RALYL: variants seen among roughly 807,000 people sequenced by gnomAD.
RALYL encodes the protein RNA-binding Raly-like protein.
In RALYL, 29 loss-of-function variants were observed where a neutral mutation model predicts 35.1. The observed-to-expected ratio is 0.83, with a 90% CI of 0.61 to 1.13. The LOEUF (loss-of-function observed/expected upper bound fraction) is 1.13. Ranked by LOEUF, RALYL falls within the 50% of genes most tolerant of loss-of-function variation. The pLI is 0.00. For synonymous variants in RALYL, 120 were observed against 127.6 expected, an observed-to-expected ratio of 0.94 and a Z score of 0.40; for missense variants, 359 against 360.4, an observed-to-expected ratio of 1.00 and a Z score of 0.03.
At chr8:84,494,509 A>G (rs975053415) in intron 1 of RALYL, among the ~76,000 whole-genome samples, 1 of 152,058 alleles carries the variant, frequency 6.6e-6, no homozygotes, top group Non-Finnish European at 1.5e-5. Context: ...GGCCATTTTC[A>G]TGATATTGAT....
At chr8:84,336,579 A>G (rs907814718) in intron 1 of RALYL, among the ~76,000 whole-genome samples, 4 of 152,182 alleles carry the variant, frequency 2.6e-5, no homozygotes, top group Non-Finnish European at 1.5e-5. Flanking sequence ...AAGGATAAGT[A>G]TTCTTATATA....
At chr8:84,312,860 C>G (rs575557437) in intron 1 of RALYL, among the ~76,000 whole-genome samples, 4 of 152,332 alleles carry the variant, frequency 2.6e-5, no homozygotes, top group Admixed American at 1.3e-4. Flanking sequence ...CCTTTTCTCA[C>G]AGCTCCACTA....
chr8:84,483,427 T>A (rs2054264019), intron 1 of RALYL, among the ~76,000 whole-genome samples: 1 of 152,136 alleles, frequency 6.6e-6, no homozygotes, highest in Non-Finnish European at 1.5e-5. Context: ...TGAGTACTTG[T>A]GGTCAATTAG....
chr8:84,641,808 A>G (rs971081005), intron 2 of RALYL, among the ~76,000 whole-genome samples: 1 of 150,578 alleles, frequency 6.6e-6, no homozygotes, highest in Admixed American at 6.6e-5. Flanking sequence ...AAAAAAAAAA[A>G]CTCATATACA....
chr8:84,443,901 G>A (rs892047236), intron 1 of RALYL, among the ~76,000 whole-genome samples: 1 of 152,118 alleles, frequency 6.6e-6, no homozygotes, highest in African/African-American at 2.4e-5. Context: ...AAATGGTAGA[G>A]AACAGGGCAA....
chr8:84,441,208 T>C (rs2048297931), intron 1 of RALYL, among the ~76,000 whole-genome samples: 1 of 152,144 alleles, frequency 6.6e-6, no homozygotes, highest in Non-Finnish European at 1.5e-5. Context: ...CACATTTTCT[T>C]CTTTAGATAT....
intron 1 of RALYL, among the ~76,000 whole-genome samples, chr8:84,421,558 G>T (rs1353262569): frequency 4.1e-4 from 53 of 128,858 alleles, no homozygotes; most frequent in African/African-American, 6.8e-4. Context: ...CTGCCTAATT[G>T]CCCTGGCCAG....
intron 8 of RALYL, among the ~76,000 whole-genome samples, chr8:84,914,854 T>C (rs1848189723): frequency 6.6e-6 from 1 of 151,996 alleles, no homozygotes; most frequent in South Asian, 2.1e-4. Flanking sequence ...CCATCCCTTA[T>C]CTCCTACTAA....
intron 5 of RALYL, among the ~76,000 whole-genome samples, chr8:84,850,441 C>T (rs1036752377): frequency 6.6e-6 from 1 of 152,150 alleles, no homozygotes; most frequent in Non-Finnish European, 1.5e-5. Context: ...GTAAAATTTA[C>T]AGATCGTTCC....
intron 1 of RALYL, among the ~76,000 whole-genome samples, chr8:84,505,872 G>A (rs535997480): frequency 2.0e-5 from 3 of 151,938 alleles, no homozygotes; most frequent in Non-Finnish European, 2.9e-5. Flanking sequence ...AAAAATGTTG[G>A]CATATTACCT....
intron 1 of RALYL, among the ~76,000 whole-genome samples, chr8:84,449,784 C>A (rs2133158542): frequency 6.6e-6 from 1 of 152,080 alleles, no homozygotes; most frequent in East Asian, 1.9e-4. Flanking sequence ...CTCATCTAAT[C>A]TTTTGAATTT....
intron 3 of RALYL, among the ~76,000 whole-genome samples, chr8:84,803,013 C>T (rs1239560890): frequency 6.6e-6 from 1 of 152,120 alleles, no homozygotes; most frequent in African/African-American, 2.4e-5. Context: ...AAAAGATTCT[C>T]ATTATATTAT....
At chr8:84,670,688 G>A (rs114857385) in intron 2 of RALYL, among the ~76,000 whole-genome samples, 6,522 of 152,140 alleles carry the variant, frequency 0.043, 296 homozygotes, top group African/African-American at 0.11. Flanking sequence ...TCTTGTGAGC[G>A]TTAATCACTA....
intron 1 of RALYL, among the ~76,000 whole-genome samples, chr8:84,325,333 T>C (rs1250233461): frequency 1.3e-5 from 2 of 152,216 alleles, no homozygotes; most frequent in African/African-American, 2.4e-5. Context: ...TTAATAAATT[T>C]ACTAATTATA....
chr8:84,228,856 G>A (rs900640212), intron 1 of RALYL, among the ~76,000 whole-genome samples: 3 of 152,050 alleles, frequency 2.0e-5, no homozygotes, highest in Admixed American at 6.6e-5. Context: ...TCAGATCTCC[G>A]GAAAGCTCAC....
intron 2 of RALYL, among the ~76,000 whole-genome samples, chr8:84,596,374 A>T (rs1396739350): frequency 1.3e-5 from 2 of 152,118 alleles, no homozygotes; most frequent in African/African-American, 4.8e-5. Context: ...TCTGTGTCGC[A>T]AAGACTTATT....
At chr8:84,409,793 G>T (rs914884954) in intron 1 of RALYL, among the ~76,000 whole-genome samples, 1 of 151,810 alleles carries the variant, frequency 6.6e-6, no homozygotes, top group Non-Finnish European at 1.5e-5. Flanking sequence ...TATTCTTTTA[G>T]AGCACAAATC....
intron 1 of RALYL, among the ~76,000 whole-genome samples, chr8:84,459,371 T>G (rs985495891): frequency 3.3e-5 from 5 of 151,818 alleles, no homozygotes; most frequent in Non-Finnish European, 5.9e-5. Context: ...AAAGCCATGA[T>G]TAGAAGATTA....
intron 2 of RALYL, among the ~76,000 whole-genome samples, chr8:84,721,396 A>G (rs1843882604): frequency 6.6e-6 from 1 of 152,140 alleles, no homozygotes; most frequent in Non-Finnish European, 1.5e-5. Context: ...AGTGTTCATC[A>G]ACAGATGAAT....
Sources: allele counts gnomAD v4.1 joint callset (sites outside exome capture counted in the v4.1 genomes callset), GRCh38; gene constraint gnomAD v4.1.1; transcripts MANE v1.5; gene names NCBI Gene and HGNC (gene_info 2026-07-23, HGNC 2026-07-21).